KCTD16: variants seen among roughly 807,000 people sequenced by gnomAD.
The protein encoded by KCTD16 is BTB/POZ domain-containing protein KCTD16.
In KCTD16, 13 loss-of-function variants were observed where a neutral mutation model predicts 33.2. The ratio of observed to expected loss-of-function variants is 0.39; its 90% CI spans 0.25 to 0.62. The LOEUF is 0.62. Ranked by LOEUF, KCTD16 falls within the 20% of genes least tolerant of loss-of-function variation. The pLI, the probability that KCTD16 is intolerant of heterozygous loss-of-function variation, is 0.50. For missense variants in KCTD16, 441 were observed against 525.1 expected, an observed-to-expected ratio of 0.84 and a Z score of 1.57; for synonymous variants, 197 against 195.3, an observed-to-expected ratio of 1.01 and a Z score of -0.07.
chr5:144,246,582 A>G (rs1250067474), intron 3 of KCTD16, among the ~76,000 whole-genome samples: 1 of 152,242 alleles, frequency 6.6e-6, no homozygotes, highest in Admixed American at 6.5e-5. Context: ...GAAACTGGAT[A>G]TAGGGTATTG....
Position 144,207,086 on chromosome 5 carries a change from C to T in KCTD16, c.372C>T (p.Pro124=), listed in dbSNP as rs201451163. ...CAGACTTGGTCAAACTCCTGACCCC[C>T]GATGAAATCAAGCAAAGCCCAGATG... The part of the protein sequence containing the change: ...QLPDLVKLLT[P]DEIKQSPDEF... Residue 124 remains proline, a synonymous_variant, in exon 3 of 4, where the codon CCC becomes CCT. Coordinates refer to ENST00000512467, the MANE Select transcript of KCTD16 (RefSeq NM_020768.4). 158 of 1,611,442 alleles carry T rather than the reference C, an allele frequency of 9.8e-5. No individual in the cohort carries two copies. Among genetic ancestry groups the T allele is most frequent in the Admixed American group, 1.7e-4 (10 of 59,544 alleles).
At chr5:144,472,556 A>G (rs1754500961) in intron 3 of KCTD16, among the ~76,000 whole-genome samples, 1 of 152,216 alleles carries the variant, frequency 6.6e-6, no homozygotes, top group South Asian at 2.1e-4. Context: ...TGAAAAGCTC[A>G]CTGGCAAGAC....
intron 3 of KCTD16, among the ~76,000 whole-genome samples, chr5:144,426,241 C>T (rs1285178668): frequency 6.6e-6 from 1 of 152,144 alleles, no homozygotes; most frequent in African/African-American, 2.4e-5. Flanking sequence ...ACTATATAAC[C>T]AGGATGGCTT....
intron 3 of KCTD16, among the ~76,000 whole-genome samples, chr5:144,328,038 A>G (rs29890): frequency 6.6e-6 from 1 of 151,918 alleles, no homozygotes; most frequent in African/African-American, 2.4e-5. Context: ...CACCAACAAC[A>G]TCACACTATG....
chr5:144,417,900 G>C lies in KCTD16; in HGVS notation c.833-55760G>C, dbSNP rs528045334. 5.7e-4 allele frequency among the ~76,000 whole-genome samples: 87 copies of C among 152,260 alleles called. No individual in the cohort carries two copies. In the South Asian group the frequency reaches 0.017, roughly 30 times the overall value. On this transcript the variant is annotated intron_variant, in intron 3 of 3. Transcript: ENST00000512467. ...GGATTCCTGGTCTTGCTGACTTCAA[G>C]AATGAAGCTATGGACCCTCACAGTG...
chr5:144,204,608 A>G (rs1471551985), intron 2 of KCTD16, among the ~76,000 whole-genome samples: 1 of 152,154 alleles, frequency 6.6e-6, no homozygotes, highest in Non-Finnish European at 1.5e-5. Context: ...CAGTAAGGAA[A>G]CAACCCCAGA....
At chr5:144,191,004 C>T (rs965493868) in intron 2 of KCTD16, among the ~76,000 whole-genome samples, 4 of 152,208 alleles carry the variant, frequency 2.6e-5, no homozygotes, top group African/African-American at 4.8e-5. Flanking sequence ...CGTTAATGTG[C>T]GACATTCAAT....
At chr5:144,452,418 A>T (rs1753964659) in intron 3 of KCTD16, among the ~76,000 whole-genome samples, 1 of 151,952 alleles carries the variant, frequency 6.6e-6, no homozygotes, top group South Asian at 2.1e-4. Flanking sequence ...GGAGAGAGGG[A>T]TTGTGAATCA....
chr5:144,467,094 T>TA (rs1165081646), intron 3 of KCTD16, among the ~76,000 whole-genome samples: 1 of 140,486 alleles, frequency 7.1e-6, no homozygotes, highest in African/African-American at 2.6e-5. Flanking sequence ...GTTATATATA[T>TA]TATATATAAT....
Position 144,347,519 on chromosome 5 carries a change from G to T in KCTD16, c.833-126141G>T, listed in dbSNP as rs1447720441. Among the ~76,000 whole-genome samples, 5 of 152,060 alleles carry T rather than the reference G, an allele frequency of 3.3e-5. No individual in the cohort carries two copies. The East Asian group carries it at 9.6e-4, about 29-fold the overall frequency. On this transcript the variant is annotated intron_variant, in intron 3 of 3. Coordinates refer to ENST00000512467, the MANE Select transcript of KCTD16 (RefSeq NM_020768.4). ...CTGAAGCAGGAGAATCGCTTGAACT[G>T]GGGAGGCGGAAGTTGCAGTGAGCCG...
intron 3 of KCTD16, among the ~76,000 whole-genome samples, chr5:144,245,044 A>G (rs149242589): frequency 5.5e-4 from 84 of 152,352 alleles, no homozygotes; most frequent in African/African-American, 2.0e-3. Flanking sequence ...CAAGCTGATC[A>G]TGACCCTCAG....
rs1188133822 is a variant in KCTD16, at chr5:144,262,603, C to T, written c.832+55057C>T. 2.0e-5 allele frequency among the ~76,000 whole-genome samples: 3 copies of T among 152,202 alleles called. No homozygotes were observed. In the East Asian group the frequency reaches 5.8e-4, roughly 29 times the overall value. ...ATAAGTAGGAAAACTATGTGCTCTT[C>T]TCATTTTAATCCTTTCCACACCAGT... is the stretch of plus-strand genomic sequence containing the variant. On this transcript the variant is annotated intron_variant, in intron 3 of 3. Coordinates refer to ENST00000512467, the MANE Select transcript of KCTD16 (RefSeq NM_020768.4).
chr5:144,282,770 G>C (rs960519903), intron 3 of KCTD16, among the ~76,000 whole-genome samples: 4 of 152,136 alleles, frequency 2.6e-5, no homozygotes, highest in Non-Finnish European at 5.9e-5. Context: ...GACTGGGTCT[G>C]ACTTTATGAC....
chr5:144,202,041 C>A (rs1043279162), intron 2 of KCTD16, among the ~76,000 whole-genome samples: 1 of 152,128 alleles, frequency 6.6e-6, no homozygotes, highest in Non-Finnish European at 1.5e-5. Flanking sequence ...GAAACAGAGG[C>A]GAAAACATAT....
intron 3 of KCTD16, among the ~76,000 whole-genome samples, chr5:144,384,831 C>T (rs1428369612): frequency 1.3e-5 from 2 of 152,030 alleles, no homozygotes; most frequent in African/African-American, 4.8e-5. Flanking sequence ...CTTGGCTATT[C>T]TTTAAAGTTT....
At chr5:144,267,244 C>T (rs757837806) in intron 3 of KCTD16, among the ~76,000 whole-genome samples, 4 of 152,118 alleles carry the variant, frequency 2.6e-5, no homozygotes, top group Non-Finnish European at 4.4e-5. Context: ...TATGCCCCAC[C>T]GTATATGAAC....
intron 3 of KCTD16, among the ~76,000 whole-genome samples, chr5:144,428,175 T>C (rs1203034817): frequency 6.6e-6 from 1 of 152,130 alleles, no homozygotes; most frequent in African/African-American, 2.4e-5. Context: ...ACGCCTTCCT[T>C]AGTTTGAGTA....
chr5:144,341,857 G>A (rs927570538), intron 3 of KCTD16, among the ~76,000 whole-genome samples: 6 of 152,086 alleles, frequency 3.9e-5, no homozygotes, highest in Non-Finnish European at 7.4e-5. Context: ...TTACTTTCTC[G>A]TTCTTTGTCA....
intron 3 of KCTD16, among the ~76,000 whole-genome samples, chr5:144,279,431 C>T (rs1011506794): frequency 2.6e-5 from 4 of 152,158 alleles, no homozygotes; most frequent in Admixed American, 6.5e-5. Flanking sequence ...ATAGTAGCTG[C>T]ATGTTTTTAT....
Sources: gnomAD v4.1 joint callset for allele counts (sites outside exome capture counted in the v4.1 genomes callset) on GRCh38, gnomAD v4.1.1 for gene constraint, MANE v1.5 for transcripts, NCBI Gene and HGNC (gene_info 2026-07-23, HGNC 2026-07-21) for gene names.